The following RAB38 variants were observed in gnomAD, a reference collection of about 807,000 sequenced individuals.
RAB38 encodes ras-related protein Rab-38.
A neutral mutation model predicts 18.4 loss-of-function variants in RAB38; 15 were observed. The ratio of observed to expected loss-of-function variants is 0.82; its 90% confidence interval spans 0.55 to 1.26. The LOEUF is 1.26. Among genes scored for constraint, RAB38 ranks in the 50% most tolerant of loss-of-function variants. RAB38 has a pLI of 0.00. For missense variants in RAB38, 294 were observed against 267.4 expected, an observed-to-expected ratio of 1.10 and a Z score of -0.69; for synonymous variants, 101 against 104.4, an observed-to-expected ratio of 0.97 and a Z score of 0.20.
the RAB38 span, among the ~76,000 whole-genome samples, chr11:87,892,192 G>A: frequency 2.6e-5 from 4 of 151,856 alleles, no homozygotes; most frequent in African/African-American, 9.6e-5. Flanking sequence ...AAAGACTCAA[G>A]TTCTGGTCCA....
the RAB38 span, among the ~76,000 whole-genome samples, chr11:88,028,315 A>G: frequency 3.9e-5 from 6 of 152,240 alleles, no homozygotes; most frequent in African/African-American, 1.4e-4. Context: ...TCTAAAAAGC[A>G]GAGCGCCTCT....
intron 2 of RAB38, among the ~76,000 whole-genome samples, chr11:88,124,000 A>C (rs1185322783): frequency 6.6e-6 from 1 of 152,202 alleles, no homozygotes; most frequent in Non-Finnish European, 1.5e-5. Flanking sequence ...TCTTTAGTAG[A>C]GAGTTTGAAG....
the RAB38 span, among the ~76,000 whole-genome samples, chr11:88,014,231 C>A: frequency 6.6e-6 from 1 of 152,002 alleles, no homozygotes; most frequent in Non-Finnish European, 1.5e-5. Flanking sequence ...CTGCATGTTA[C>A]GGATGAGGAA....
At chr11:87,904,159 T>C in the RAB38 span, among the ~76,000 whole-genome samples, 2 of 151,660 alleles carry the variant, frequency 1.3e-5, no homozygotes, top group Non-Finnish European at 3.0e-5. Context: ...GGGTATACTG[T>C]ATGATGCTGA....
the RAB38 span, among the ~76,000 whole-genome samples, chr11:88,078,101 A>C: frequency 6.6e-6 from 1 of 152,088 alleles, no homozygotes; most frequent in Non-Finnish European, 1.5e-5. Flanking sequence ...GAAAAATGTA[A>C]AACAAAACCA....
At chr11:87,941,790 T>C in the RAB38 span, among the ~76,000 whole-genome samples, 1 of 152,192 alleles carries the variant, frequency 6.6e-6, no homozygotes, top group Non-Finnish European at 1.5e-5. Flanking sequence ...ACAGGTTGGG[T>C]GATGTCACAT....
the RAB38 span, among the ~76,000 whole-genome samples, chr11:87,882,839 G>T: frequency 6.6e-6 from 1 of 151,696 alleles, no homozygotes; most frequent in African/African-American, 2.4e-5. Flanking sequence ...GGCTTATGAG[G>T]CATGGTCTTT....
chr11:88,150,906 A>T (rs1943055774), intron 1 of RAB38, among the ~76,000 whole-genome samples: 1 of 152,166 alleles, frequency 6.6e-6, no homozygotes, highest in Non-Finnish European at 1.5e-5. Flanking sequence ...CATCTATTAT[A>T]TCGATGCCAG....
the RAB38 span, among the ~76,000 whole-genome samples, chr11:87,972,233 G>A: frequency 6.6e-6 from 1 of 152,022 alleles, no homozygotes; most frequent in Non-Finnish European, 1.5e-5. Flanking sequence ...ACATAGCAAG[G>A]TGATTACACC....
the RAB38 span, among the ~76,000 whole-genome samples, chr11:88,007,305 T>C: frequency 6.6e-6 from 1 of 151,738 alleles, no homozygotes; most frequent in Non-Finnish European, 1.5e-5. Context: ...TGTCATAATT[T>C]AAAACTTTCA....
the RAB38 span, among the ~76,000 whole-genome samples, chr11:87,960,379 C>CAAAAA: frequency 5.3e-5 from 6 of 113,230 alleles, no homozygotes; most frequent in African/African-American, 1.6e-4. Flanking sequence ...TGGAAGACAA[C>CAAAAA]AAAAAAAAGA....
the RAB38 span, among the ~76,000 whole-genome samples, chr11:87,921,145 A>G: frequency 1.3e-5 from 2 of 152,222 alleles, no homozygotes; most frequent in African/African-American, 2.4e-5. Flanking sequence ...GAGGACTGCT[A>G]TGTATAACTA....
chr11:88,010,282 A>G, the RAB38 span, among the ~76,000 whole-genome samples: 1 of 120,046 alleles, frequency 8.3e-6, no homozygotes, highest in African/African-American at 3.0e-5. Flanking sequence ...TTGTTCTTTC[A>G]ACAGTCATTT....
the RAB38 span, among the ~76,000 whole-genome samples, chr11:87,958,174 C>T: frequency 6.6e-6 from 1 of 152,136 alleles, no homozygotes; most frequent in East Asian, 1.9e-4. Context: ...GGGCAAACAA[C>T]CAGCACTCTA....
the RAB38 span, among the ~76,000 whole-genome samples, chr11:88,093,576 GT>G: frequency 6.6e-6 from 1 of 151,754 alleles, no homozygotes; most frequent in Non-Finnish European, 1.5e-5. Context: ...TACCAGGATT[GT>G]TTATAACAGT....
chr11:87,868,997 A>T, the RAB38 span, among the ~76,000 whole-genome samples: 2 of 151,828 alleles, frequency 1.3e-5, no homozygotes, highest in Admixed American at 1.3e-4. Context: ...GATTCCCACA[A>T]AAAACAGACT....
At chr11:87,900,661 T>TAGGAAGGAAGGAAGGAAGGA in the RAB38 span, among the ~76,000 whole-genome samples, 132 of 131,300 alleles carry the variant, frequency 1.0e-3, no homozygotes, top group African/African-American at 3.0e-3. Context: ...GAAAGAAAGG[T>TAGGAAGGAAGGAAGGAAGGA]AGGAAGGAAG....
At chr11:88,154,863 T>C (rs562445663) in intron 1 of RAB38, among the ~76,000 whole-genome samples, 2 of 152,342 alleles carry the variant, frequency 1.3e-5, no homozygotes, top group African/African-American at 4.8e-5. Context: ...AGGTACTCTC[T>C]GCTCCATGCC....
the RAB38 span, among the ~76,000 whole-genome samples, chr11:87,809,824 A>G: frequency 6.6e-6 from 1 of 152,180 alleles, no homozygotes; most frequent in African/African-American, 2.4e-5. Context: ...AATAACTTCA[A>G]TTATAATGTT....
Sources: allele counts gnomAD v4.1 joint callset (sites outside exome capture counted in the v4.1 genomes callset), GRCh38; gene constraint gnomAD v4.1.1; transcripts MANE v1.5; gene names NCBI Gene and HGNC (gene_info 2026-07-23, HGNC 2026-07-21).